The following LARGE1 variants were observed in gnomAD, a reference collection of about 807,000 sequenced individuals.
LARGE1 encodes xylosyl- and glucuronyltransferase LARGE1.
A neutral mutation model predicts 87.6 loss-of-function variants in LARGE1; 43 were observed. That is an observed-to-expected ratio of 0.49 (90% CI 0.38 to 0.63). LARGE1 has a LOEUF of 0.63. Ranked by LOEUF, LARGE1 falls within the 30% of genes least tolerant of loss-of-function variation. The probability of loss-of-function intolerance (pLI) is 0.00; values close to 1 mark genes in which losing one functional copy is unlikely to be tolerated. For missense variants in LARGE1, 802 were observed against 1,000.2 expected, an observed-to-expected ratio of 0.80 and a Z score of 2.67; for synonymous variants, 434 against 394.6, an observed-to-expected ratio of 1.10 and a Z score of -1.18.
rs2146539049 is a variant in LARGE1, at chr22:33,335,292, A to G, written c.1287+2354T>C. 1.3e-5 allele frequency among the ~76,000 whole-genome samples: 2 copies of G among 152,360 alleles called. 1 individual carries two copies. The highest frequency in any genetic ancestry group is 4.1e-4 in the South Asian group (2 of 4,822). ...GCTTCCCAGAATCTGAAAGAGTTCCAGTGCTTAATGGTTTTCTTTCCTTTA... is the reference window on the plus strand; with the variant it reads ...GCTTCCCAGAATCTGAAAGAGTTCCGGTGCTTAATGGTTTTCTTTCCTTTA... On this transcript the variant is annotated intron_variant, in intron 10 of 14. Coordinates refer to ENST00000397394, the MANE Select transcript of LARGE1 (RefSeq NM_133642.5).
At chr22:33,477,563 C>G (rs539509093) in intron 6 of LARGE1, among the ~76,000 whole-genome samples, 1 of 152,050 alleles carries the variant, frequency 6.6e-6, no homozygotes, top group East Asian at 1.9e-4. Flanking sequence ...CAGAATACCC[C>G]CAAAGCTTGC....
At chr22:33,300,633 C>T (rs765258274) in intron 12 of LARGE1, among the ~76,000 whole-genome samples, 8 of 152,210 alleles carry the variant, frequency 5.3e-5, no homozygotes, top group African/African-American at 9.6e-5. Context: ...CTCTGCCTTC[C>T]GGGGTTCAAG....
chr22:33,578,710 G>T (rs959336155), intron 5 of LARGE1, among the ~76,000 whole-genome samples: 5 of 152,030 alleles, frequency 3.3e-5, no homozygotes, highest in Admixed American at 2.0e-4. Flanking sequence ...AACCTTAATC[G>T]TTTTTGGAAA....
chr22:33,781,873 A>G (rs1296172171), intron 1 of LARGE1, among the ~76,000 whole-genome samples: 2 of 152,246 alleles, frequency 1.3e-5, no homozygotes, highest in Admixed American at 6.5e-5. Flanking sequence ...AGCTCCGTGG[A>G]TAACAGAAAG....
chr22:33,491,288 T>C (rs1467226804), intron 6 of LARGE1, among the ~76,000 whole-genome samples: 1 of 152,106 alleles, frequency 6.6e-6, no homozygotes, highest in Non-Finnish European at 1.5e-5. Context: ...CTACATGTAA[T>C]AATGTAAAAA....
chr22:33,341,916 G>C (rs1313279824), intron 9 of LARGE1, among the ~76,000 whole-genome samples: 1 of 152,162 alleles, frequency 6.6e-6, no homozygotes, highest in African/African-American at 2.4e-5. Context: ...AAGGAGTTCT[G>C]CCCTCCTTTC....
chr22:33,551,993 CAA>C (rs10674621), intron 6 of LARGE1, among the ~76,000 whole-genome samples: 1 of 72,886 alleles, frequency 1.4e-5, no homozygotes, highest in East Asian at 4.5e-4. Flanking sequence ...GGCTCCGTCT[CAA>C]AAAAAAAAAA....
chr22:33,756,187 G>A (rs2084506940), intron 2 of LARGE1, among the ~76,000 whole-genome samples: 1 of 152,100 alleles, frequency 6.6e-6, no homozygotes, highest in African/African-American at 2.4e-5. Flanking sequence ...GATCCAGGAG[G>A]CAATGATGAG....
intron 6 of LARGE1, among the ~76,000 whole-genome samples, chr22:33,548,813 A>C (rs1222490427): frequency 1.3e-5 from 2 of 152,232 alleles, no homozygotes; most frequent in Non-Finnish European, 2.9e-5. Flanking sequence ...ATTTAAAAAG[A>C]GGATTATTGG....
exon 12 of LARGE1, chr22:33,162,324 G>A (rs1418538548): frequency 2.0e-5 from 3 of 152,230 alleles, no homozygotes; most frequent in Non-Finnish European, 2.9e-5. Context: ...TCTTCACAGG[G>A]CAGCAGGAGA....
At chr22:33,530,252 A>G (rs1159627224) in intron 6 of LARGE1, among the ~76,000 whole-genome samples, 5 of 152,200 alleles carry the variant, frequency 3.3e-5, no homozygotes, top group Non-Finnish European at 5.9e-5. Context: ...TAAAAATCCA[A>G]TGTGCTAAGA....
At chr22:33,223,226 TA>T (rs2145630389) in intron 11 of LARGE1, among the ~76,000 whole-genome samples, 1 of 152,290 alleles carries the variant, frequency 6.6e-6, no homozygotes, top group Admixed American at 6.5e-5. Flanking sequence ...GTTCGCTTCC[TA>T]AAGCCTTGAA....
At chr22:33,264,430 G>C (rs867590032) in intron 11 of LARGE1, among the ~76,000 whole-genome samples, 1 of 152,200 alleles carries the variant, frequency 6.6e-6, no homozygotes, top group African/African-American at 2.4e-5. Flanking sequence ...AGGCCAAAGC[G>C]GGTGGATCAC....
At chr22:33,423,054 C>A (rs2066751016) in intron 7 of LARGE1, among the ~76,000 whole-genome samples, 2 of 149,228 alleles carry the variant, frequency 1.3e-5, no homozygotes, top group South Asian at 4.2e-4. Context: ...ACTTGGAGAA[C>A]AAGTCAAGCG....
chr22:33,858,136 G>A (rs1024750412), intron 1 of LARGE1, among the ~76,000 whole-genome samples: 5 of 152,160 alleles, frequency 3.3e-5, no homozygotes, highest in East Asian at 1.9e-4. Flanking sequence ...TGTTCAACTC[G>A]ATTAGGATGA....
chr22:33,368,058 T>C (rs62225263), intron 9 of LARGE1, among the ~76,000 whole-genome samples: 7,625 of 152,284 alleles, frequency 0.05, 213 homozygotes, highest in African/African-American at 0.077. Flanking sequence ...TTGAAATGTA[T>C]TGATGTCTAG....
chr22:33,852,041 T>C (rs1008162477), intron 1 of LARGE1, among the ~76,000 whole-genome samples: 1 of 152,186 alleles, frequency 6.6e-6, no homozygotes, highest in Non-Finnish European at 1.5e-5. Flanking sequence ...TGTGAAACTC[T>C]TTATGCCCAA....
intron 11 of LARGE1, among the ~76,000 whole-genome samples, chr22:33,237,805 A>G (rs1275932867): frequency 1.3e-5 from 2 of 151,990 alleles, no homozygotes; most frequent in Non-Finnish European, 2.9e-5. Context: ...TCAAGATCCG[A>G]CTCCTGAAGC....
chr22:33,343,634 C>G, intron 9 of LARGE1, among the ~76,000 whole-genome samples: 1 of 152,122 alleles, frequency 6.6e-6, no homozygotes, highest in Non-Finnish European at 1.5e-5. Flanking sequence ...CTCCCACTCT[C>G]CCTCAAAATT....
Sources: allele counts gnomAD v4.1 joint callset (sites outside exome capture counted in the v4.1 genomes callset), GRCh38; gene constraint gnomAD v4.1.1; transcripts MANE v1.5; gene names NCBI Gene and HGNC (gene_info 2026-07-23, HGNC 2026-07-21).